ITGBL1: variants seen among roughly 807,000 people sequenced by gnomAD.
ITGBL1 encodes integrin subunit beta like 1.
ITGBL1 carries 51 observed loss-of-function variants against 68.5 expected under a neutral mutation model. The ratio of observed to expected loss-of-function variants is 0.74; its 90% CI spans 0.59 to 0.94. The LOEUF is 0.94. Ranked by LOEUF, ITGBL1 falls within the 40% of genes least tolerant of loss-of-function variation. The pLI, the probability that ITGBL1 is intolerant of heterozygous loss-of-function variation, is 0.00. For synonymous variants in ITGBL1, 209 were observed against 227.3 expected, an observed-to-expected ratio of 0.92 and a Z score of 0.72; for missense variants, 649 against 647.4, an observed-to-expected ratio of 1.00 and a Z score of -0.03.
chr13:101,562,018 G>A (rs2050108472), intron 2 of ITGBL1, among the ~76,000 whole-genome samples: 2 of 152,134 alleles, frequency 1.3e-5, no homozygotes, highest in Admixed American at 1.3e-4. Flanking sequence ...AAATGTGTGT[G>A]TGTTTATGCA....
chr13:101,653,876 T>G (rs1015975389), intron 7 of ITGBL1, among the ~76,000 whole-genome samples: 3 of 147,916 alleles, frequency 2.0e-5, no homozygotes, highest in South Asian at 2.2e-4. Flanking sequence ...TTTTGTTTTT[T>G]TTTTTTTGTA....
chr13:101,594,040 A>T (rs192564183), intron 6 of ITGBL1, among the ~76,000 whole-genome samples: 1 of 152,198 alleles, frequency 6.6e-6, no homozygotes, highest in Non-Finnish European at 1.5e-5. Context: ...ACATATAATA[A>T]TTTTTAACCT....
intron 2 of ITGBL1, among the ~76,000 whole-genome samples, chr13:101,492,312 A>G (rs563332834): frequency 2.3e-3 from 346 of 152,318 alleles, no homozygotes; most frequent in Middle Eastern, 3.4e-3. Context: ...AAGTCAATAT[A>G]TGACTGTATT....
At chr13:101,564,298 T>A (rs1177945260) in intron 2 of ITGBL1, among the ~76,000 whole-genome samples, 1 of 151,920 alleles carries the variant, frequency 6.6e-6, no homozygotes, top group Non-Finnish European at 1.5e-5. Context: ...AGCCTAGAGT[T>A]AGGCAAAGGT....
chr13:101,645,805 A>G (rs2032538503), intron 7 of ITGBL1, among the ~76,000 whole-genome samples: 2 of 152,100 alleles, frequency 1.3e-5, no homozygotes, highest in African/African-American at 4.8e-5. Context: ...GAGTTTAGGT[A>G]AGTGTGTTTT....
chr13:101,582,694 C>T (rs1459759367), intron 5 of ITGBL1, among the ~76,000 whole-genome samples: 1 of 152,084 alleles, frequency 6.6e-6, no homozygotes, highest in Non-Finnish European at 1.5e-5. Flanking sequence ...TTTTTCTTGA[C>T]TTTCTCTTAG....
intron 2 of ITGBL1, among the ~76,000 whole-genome samples, chr13:101,458,314 T>C (rs983793957): frequency 6.6e-6 from 1 of 152,208 alleles, no homozygotes; most frequent in Non-Finnish European, 1.5e-5. Context: ...AGTGGACTGT[T>C]GGAATTCTGA....
chr13:101,492,719 A>T (rs547068900), intron 2 of ITGBL1, among the ~76,000 whole-genome samples: 1 of 152,140 alleles, frequency 6.6e-6, no homozygotes, highest in Non-Finnish European at 1.5e-5. Context: ...CCATTATGCA[A>T]TTCACCAGCC....
intron 7 of ITGBL1, among the ~76,000 whole-genome samples, chr13:101,638,262 A>G (rs909442234): frequency 1.3e-5 from 2 of 152,198 alleles, no homozygotes; most frequent in Non-Finnish European, 2.9e-5. Flanking sequence ...TACATCTGTA[A>G]TTGCTACATA....
intron 8 of ITGBL1, among the ~76,000 whole-genome samples, chr13:101,701,787 A>T (rs2034142944): frequency 6.6e-6 from 1 of 152,170 alleles, no homozygotes; most frequent in African/African-American, 2.4e-5. Flanking sequence ...TACCTAGAGT[A>T]GTCAGATATA....
chr13:101,547,876 A>G (rs2049853090), intron 2 of ITGBL1, among the ~76,000 whole-genome samples: 2 of 151,436 alleles, frequency 1.3e-5, no homozygotes, highest in African/African-American at 4.8e-5. Flanking sequence ...TTGCTTTCTT[A>G]CATTAAATAT....
intron 2 of ITGBL1, among the ~76,000 whole-genome samples, chr13:101,559,126 A>G (rs1261367067): frequency 2.6e-5 from 4 of 152,208 alleles, no homozygotes; most frequent in South Asian, 2.1e-4. Flanking sequence ...ATTATCTGCA[A>G]TACTTTAATG....
intron 2 of ITGBL1, among the ~76,000 whole-genome samples, chr13:101,529,982 C>T (rs79947013): frequency 0.11 from 16,470 of 152,050 alleles, 1,163 homozygotes; most frequent in Non-Finnish European, 0.16. Flanking sequence ...AAAAAAATCA[C>T]CTTCCAGTAT....
intron 7 of ITGBL1, among the ~76,000 whole-genome samples, chr13:101,691,483 C>T (rs2033882087): frequency 6.6e-6 from 1 of 152,170 alleles, no homozygotes; most frequent in African/African-American, 2.4e-5. Flanking sequence ...AACAGAGTGA[C>T]TAACAACATT....
intron 5 of ITGBL1, among the ~76,000 whole-genome samples, chr13:101,582,116 T>C (rs1309158141): frequency 1.3e-5 from 2 of 152,238 alleles, no homozygotes; most frequent in African/African-American, 4.8e-5. Context: ...TCTATTTCAC[T>C]TTGGGCATAT....
intron 8 of ITGBL1, among the ~76,000 whole-genome samples, chr13:101,698,306 C>T (rs2034049655): frequency 6.6e-6 from 1 of 152,178 alleles, no homozygotes; most frequent in Admixed American, 6.5e-5. Flanking sequence ...CTTAACTGAT[C>T]AGCAGATGCA....
chr13:101,535,459 TAA>T (rs1167285650), intron 2 of ITGBL1, among the ~76,000 whole-genome samples: 1 of 152,102 alleles, frequency 6.6e-6, no homozygotes, highest in Non-Finnish European at 1.5e-5. Flanking sequence ...TATTTTAGTT[TAA>T]ACTTTCAACC....
chr13:101,598,283 G>A lies in ITGBL1; in HGVS notation c.999G>A (p.Leu333=), dbSNP rs760645100. ...GGAAGTGCCAGGGAAGCTCGGATCT[G>A]CCTTGCTCTGGGAGGGGTAAGTGAG... is the stretch of plus-strand genomic sequence containing the variant. ...SIRKCQGSSD[L]PCSGRGKCEC... The change falls in exon 7 of 11, where the codon CTG becomes CTA. Residue 333 remains leucine (L), a synonymous_variant. Transcript: ENST00000376180. The A allele has an allele frequency of 6.2e-7, 1 of 1,612,006 alleles. No individual in the cohort carries two copies.
chr13:101,613,886 C>T (rs145886716), intron 7 of ITGBL1, among the ~76,000 whole-genome samples: 21 of 152,260 alleles, frequency 1.4e-4, no homozygotes, highest in African/African-American at 1.9e-4. Flanking sequence ...ATAACAGGCA[C>T]GGTCCTGCAG....
Sources: gnomAD v4.1 joint callset for allele counts (sites outside exome capture counted in the v4.1 genomes callset) on GRCh38, gnomAD v4.1.1 for gene constraint, MANE v1.5 for transcripts, NCBI Gene and HGNC (gene_info 2026-07-23, HGNC 2026-07-21) for gene names.